The following PLEKHG1 variants were observed in gnomAD, a reference collection of about 807,000 sequenced individuals.
The protein encoded by PLEKHG1 is pleckstrin homology domain-containing family G member 1.
PLEKHG1 carries 44 observed loss-of-function variants against 100.8 expected under a neutral mutation model. The observed-to-expected ratio is 0.44, with a 90% CI of 0.34 to 0.56. The LOEUF is 0.56. Ranked by LOEUF, PLEKHG1 falls within the 20% of genes least tolerant of loss-of-function variation. The pLI, the probability that PLEKHG1 is intolerant of heterozygous loss-of-function variation, is 0.01. For missense variants in PLEKHG1, 1,545 were observed against 1,720.9 expected, an observed-to-expected ratio of 0.90 and a Z score of 1.81; for synonymous variants, 640 against 662.5, an observed-to-expected ratio of 0.97 and a Z score of 0.52.
intron 2 of PLEKHG1, among the ~76,000 whole-genome samples, chr6:150,746,522 T>A (rs748085508): frequency 6.6e-6 from 1 of 152,238 alleles, no homozygotes. Flanking sequence ...TAATTCACTT[T>A]TAATTTCCAT....
intron 1 of PLEKHG1, among the ~76,000 whole-genome samples, chr6:150,622,521 C>G (rs921642281): frequency 6.6e-6 from 1 of 152,108 alleles, no homozygotes; most frequent in African/African-American, 2.4e-5. Flanking sequence ...TACCACTGTT[C>G]TGAGTTAGGT....
chr6:150,831,006 A>G lies in PLEKHG1; in HGVS notation c.1895A>G (p.Gln632Arg). 1 of 1,614,114 alleles carries G rather than the reference A, an allele frequency of 6.2e-7. No individual in the cohort carries two copies. The highest frequency in any genetic ancestry group is 8.5e-7 in the Non-Finnish European group (1 of 1,180,010). ...ACTAGTGACAGAACTAGGGAACTGC[A>G]GAACAGCCCCAAAACAGAAGGGCAG... Residue 632 changes from glutamine to arginine, a missense_variant, in exon 15 of 16, where the codon CAG (glutamine) becomes CGG (arginine). Physicochemically the swap from Gln to Arg is conservative, Grantham distance 43 (BLOSUM62 1). Transcript: ENST00000358517. This position sits in a 1 kb window ranked among gnomAD's most constrained non-coding sequence, Gnocchi z 4.1.
chr6:150,673,781 C>T (rs1779650156), intron 3 of PLEKHG1, among the ~76,000 whole-genome samples: 1 of 152,136 alleles, frequency 6.6e-6, no homozygotes, highest in South Asian at 2.1e-4. Context: ...CCATCTCAGT[C>T]TCCCAAGTAG....
At chr6:150,762,598 T>G (rs1296455664) in intron 2 of PLEKHG1, among the ~76,000 whole-genome samples, 1 of 152,140 alleles carries the variant, frequency 6.6e-6, no homozygotes, top group East Asian at 1.9e-4. Flanking sequence ...CATTGGATTT[T>G]CAGTACATTT....
chr6:150,631,424 C>G (rs946865785), intron 1 of PLEKHG1, among the ~76,000 whole-genome samples: 12 of 152,210 alleles, frequency 7.9e-5, no homozygotes, highest in African/African-American at 2.7e-4. Flanking sequence ...TTGGGGGACA[C>G]CCCATCCCCT....
chr6:150,743,940 A>G (rs1297029873), intron 2 of PLEKHG1, among the ~76,000 whole-genome samples: 1 of 152,224 alleles, frequency 6.6e-6, no homozygotes, highest in Non-Finnish European at 1.5e-5. Context: ...AGGGTAATGG[A>G]CGAAAGCCAT....
At chr6:150,694,136 G>A (rs1780455759) in intron 3 of PLEKHG1, among the ~76,000 whole-genome samples, 1 of 152,212 alleles carries the variant, frequency 6.6e-6, no homozygotes, top group Non-Finnish European at 1.5e-5. Context: ...TCTGTTTTAT[G>A]TCTGCCATTA....
At chr6:150,828,131 C>G (rs912496434) in intron 14 of PLEKHG1, 3 of 1,613,506 alleles carry the variant, frequency 1.9e-6, no homozygotes, top group African/African-American at 2.7e-5. Flanking sequence ...CCTGCATACC[C>G]AATTATACTG....
chr6:150,694,695 C>G (rs1780476885), intron 3 of PLEKHG1, among the ~76,000 whole-genome samples: 2 of 127,596 alleles, frequency 1.6e-5, no homozygotes, highest in Admixed American at 8.2e-5. Context: ...GAGACTCTGT[C>G]TCAAAAAAAA....
intron 1 of PLEKHG1, among the ~76,000 whole-genome samples, chr6:150,602,388 G>C (rs1022335631): frequency 6.6e-6 from 1 of 152,218 alleles, no homozygotes; most frequent in Non-Finnish European, 1.5e-5. Context: ...GATTTAGGAA[G>C]TCTGGTTAAG....
intron 3 of PLEKHG1, among the ~76,000 whole-genome samples, chr6:150,659,874 G>C (rs1779115514): frequency 6.6e-6 from 1 of 152,144 alleles, no homozygotes; most frequent in Non-Finnish European, 1.5e-5. Flanking sequence ...GTAATTTGAA[G>C]GCAGGACTAG....
At position 150,643,538 on chromosome 6, in the gene PLEKHG1, TA is replaced by T. The variant is rs570829883; in HGVS notation, c.-158+5414del. On this transcript the variant is annotated intron_variant, in intron 2 of 3. Transcript: ENST00000367326. ...TGCCTGATGAGACAGGCAAATCTGA[TA>T]TACAATATCTAGATTGGGTGGGGAG... 2.0e-3 allele frequency among the ~76,000 whole-genome samples: 299 copies of T among 152,336 alleles called. 3 individuals carry two copies. The highest frequency in any genetic ancestry group is 6.7e-3 in the African/African-American group (280 of 41,574).
chr6:150,702,289 G>A (rs1181384901), intron 3 of PLEKHG1, among the ~76,000 whole-genome samples: 1 of 152,132 alleles, frequency 6.6e-6, no homozygotes, highest in African/African-American at 2.4e-5. Context: ...GCCCAGCATG[G>A]TGAAACCCTG....
chr6:150,806,169 A>T (rs1245154220), intron 7 of PLEKHG1, among the ~76,000 whole-genome samples: 1 of 142,870 alleles, frequency 7.0e-6, no homozygotes, highest in Non-Finnish European at 1.5e-5. Context: ...GTGTGGTGTG[A>T]TGCCACTGAC....
In PLEKHG1 at chr6:150,701,410, T is replaced by C. The variant is rs75199530; in HGVS notation, c.-98-32174T>C. Among the ~76,000 whole-genome samples, 186 of 113,228 alleles carry C rather than the reference T, an allele frequency of 1.6e-3. 3 individuals carry two copies. In the East Asian group the frequency reaches 0.03, roughly 18 times the overall value. 74.3% of individuals were successfully genotyped at this position (113,228 alleles called of 152,430 possible). ...AGCTGGATTTGTAAAGAATAAGCAG[T>C]AATTCTTTATATATATATATATATA... On this transcript the variant is annotated intron_variant, in intron 3 of 3. Coordinates refer to the PLEKHG1 transcript ENST00000367326.
In PLEKHG1 at chr6:150,731,399, A is replaced by T. The variant is rs540565209; in HGVS notation, c.-98-2185A>T. On this transcript the variant is annotated intron_variant, in intron 1 of 15. Coordinates refer to ENST00000358517, the Ensembl canonical transcript of PLEKHG1. ...TCTTACCACTCCTTCTTGACTCGGA[A>T]TTAGTTCCTTCATTTTATTTTCATA... 2.0e-5 allele frequency among the ~76,000 whole-genome samples: 3 copies of T among 152,332 alleles called. No homozygotes were observed. In the South Asian group the frequency reaches 6.2e-4, roughly 32 times the overall value.
chr6:150,680,150 A>G (rs188535068), intron 3 of PLEKHG1, among the ~76,000 whole-genome samples: 1 of 152,228 alleles, frequency 6.6e-6, no homozygotes, highest in Non-Finnish European at 1.5e-5. Flanking sequence ...TGATCATGGC[A>G]CTATAGTTCT....
chr6:150,765,351 G>GT (rs59419778), intron 2 of PLEKHG1, among the ~76,000 whole-genome samples: 32,973 of 151,674 alleles, frequency 0.22, 4,534 homozygotes, highest in African/African-American at 0.37. Context: ...AAATTACCCA[G>GT]GCATGATGGC....
chr6:150,684,930 C>T (rs984301061), intron 3 of PLEKHG1, among the ~76,000 whole-genome samples: 2 of 152,140 alleles, frequency 1.3e-5, no homozygotes, highest in Admixed American at 6.5e-5. Context: ...TGCGTTTTCT[C>T]TGCCACTTCA....
Sources: gnomAD v4.1 joint callset for allele counts (sites outside exome capture counted in the v4.1 genomes callset) on GRCh38, gnomAD v4.1.1 for gene constraint, Gnocchi (gnomAD v3.1) non-coding constraint, MANE v1.5 for transcripts, NCBI Gene and HGNC (gene_info 2026-07-23, HGNC 2026-07-21) for gene names.